ROBO2: variants seen among roughly 807,000 people sequenced by gnomAD.
The protein encoded by ROBO2 is roundabout homolog 2.
In ROBO2, 53 loss-of-function variants were observed where a neutral mutation model predicts 160.8. That is an observed-to-expected ratio of 0.33 (90% confidence interval 0.26 to 0.41). ROBO2 has a LOEUF of 0.41. ROBO2 is among the 10% of genes least tolerant of loss of function. The pLI is 1.00. For synonymous variants in ROBO2, 664 were observed against 611.7 expected (o/e 1.09, Z -1.26); for missense variants, 1,577 against 1,722.4 (o/e 0.92, Z 1.49).
In ROBO2 at chr3:76,247,118, A is replaced by G. The variant is rs866466107; in HGVS notation, c.109+309516A>G. ...AGAGAAACATCGTTTCCATACATCC[A>G]TCTACACAGTTGTTCTTCAAGACAT... On this transcript the variant is annotated intron_variant, in intron 2 of 26. Coordinates refer to the ROBO2 transcript ENST00000487694. Among the ~76,000 whole-genome samples, 42 of 152,216 alleles carry G rather than the reference A, an allele frequency of 2.8e-4. No homozygotes were observed. The Middle Eastern group carries it at 0.01, about 37-fold the overall frequency.
intron 2 of ROBO2, among the ~76,000 whole-genome samples, chr3:76,343,029 C>A (rs1308992874): frequency 1.3e-5 from 2 of 151,770 alleles, no homozygotes; most frequent in Non-Finnish European, 2.9e-5. Context: ...GAATGGTAAT[C>A]AAATGTTCCA....
chr3:77,130,019 T>C (rs1220324352), intron 2 of ROBO2, among the ~76,000 whole-genome samples: 1 of 152,146 alleles, frequency 6.6e-6, no homozygotes, highest in African/African-American at 2.4e-5. Flanking sequence ...ACAATTTTTT[T>C]TTATTATTGC....
Position 75,936,417 on chromosome 3 carries a change from G to A in ROBO2, c.-13-1064G>A, listed in dbSNP as rs570661584. 4.6e-3 allele frequency among the ~76,000 whole-genome samples: 706 copies of A among 152,146 alleles called. 1 individual carries two copies. Among genetic ancestry groups the A allele is most frequent in the Non-Finnish European group, 6.9e-3 (466 of 67,970 alleles). ...CTTAACTCCGTATTTTGTCAACTGT[G>A]GAAAAATTGGGATTTAGGAGTAACC... On this transcript the variant is annotated intron_variant, in intron 1 of 26. Transcript: ENST00000487694.
rs567776717 is a variant in ROBO2, at chr3:76,930,226, C to T, written c.110-167788C>T. ...TTTAGTATAAATGCCAGGCTGGTCTCGAACTCCTGGCCTCAAGTGATCTGC... is the reference window on the plus strand; with the variant it reads ...TTTAGTATAAATGCCAGGCTGGTCTTGAACTCCTGGCCTCAAGTGATCTGC... On this transcript the variant is annotated intron_variant, in intron 2 of 26. Coordinates refer to the ROBO2 transcript ENST00000487694. Among the ~76,000 whole-genome samples, 17 of 152,052 alleles carry T rather than the reference C, an allele frequency of 1.1e-4. No individual in the cohort carries two copies. In the South Asian group the frequency reaches 3.5e-3, roughly 32 times the overall value.
At chr3:75,942,126 T>G (rs1948085919) in intron 2 of ROBO2, among the ~76,000 whole-genome samples, 1 of 152,168 alleles carries the variant, frequency 6.6e-6, no homozygotes, top group Non-Finnish European at 1.5e-5. Flanking sequence ...GACTTTGAAT[T>G]AAAGGTTTAC....
At chr3:76,574,643 A>G (rs1160648092) in intron 2 of ROBO2, among the ~76,000 whole-genome samples, 2 of 152,160 alleles carry the variant, frequency 1.3e-5, no homozygotes, top group Admixed American at 1.3e-4. Flanking sequence ...CCTATCATAG[A>G]GAAACATTAT....
chr3:76,876,315 A>G (rs774579367), intron 2 of ROBO2, among the ~76,000 whole-genome samples: 6 of 152,212 alleles, frequency 3.9e-5, no homozygotes, highest in Non-Finnish European at 8.8e-5. Flanking sequence ...GTCAGTTACC[A>G]AGTGAATCTG....
intron 2 of ROBO2, among the ~76,000 whole-genome samples, chr3:76,565,671 T>G (rs182865374): frequency 1.2e-3 from 182 of 152,300 alleles, no homozygotes; most frequent in African/African-American, 4.2e-3. Flanking sequence ...GAAGTAAGAT[T>G]TATTTTCTGA....
chr3:76,038,056 A>G (rs1391545379), intron 2 of ROBO2, among the ~76,000 whole-genome samples: 1 of 152,050 alleles, frequency 6.6e-6, no homozygotes, highest in Admixed American at 6.5e-5. Flanking sequence ...CAGAAGGGTA[A>G]CTTGACCTCA....
At chr3:77,558,691 C>T (rs988374469) in intron 9 of ROBO2, among the ~76,000 whole-genome samples, 2 of 152,006 alleles carry the variant, frequency 1.3e-5, no homozygotes, top group East Asian at 1.9e-4. Context: ...TGGTTTTTTA[C>T]TGACGTTTAC....
rs369583300 is a variant in ROBO2, at chr3:76,755,886, C to A, written c.110-342128C>A. Among the ~76,000 whole-genome samples the A allele has an allele frequency of 7.2e-5, 11 of 151,896 alleles. No homozygotes were observed. The East Asian group carries it at 1.4e-3, about 19-fold the overall frequency. On this transcript the variant is annotated intron_variant, in intron 2 of 26. Coordinates refer to the ROBO2 transcript ENST00000487694. ...TAATAGAAAAACTCCCTAATCCAAC[C>A]ATTGTATCCCTTCCTTTAGACACAT...
At chr3:76,879,500 G>T (rs1232698483) in intron 2 of ROBO2, among the ~76,000 whole-genome samples, 1 of 151,950 alleles carries the variant, frequency 6.6e-6, no homozygotes, top group Non-Finnish European at 1.5e-5. Flanking sequence ...ATATGAAGAA[G>T]AAAATTCAAA....
chr3:76,195,070 G>A (rs1227105782), intron 2 of ROBO2, among the ~76,000 whole-genome samples: 1 of 152,070 alleles, frequency 6.6e-6, no homozygotes, highest in Admixed American at 6.6e-5. Context: ...GAATAGTCAG[G>A]CAACTTGTCT....
At chr3:76,625,903 G>T (rs1048246839) in intron 2 of ROBO2, among the ~76,000 whole-genome samples, 3 of 152,106 alleles carry the variant, frequency 2.0e-5, no homozygotes, top group Non-Finnish European at 4.4e-5. Context: ...TGCCTTTGGT[G>T]TGTTAAAAAG....
chr3:76,894,074 C>T (rs1334939623), intron 2 of ROBO2, among the ~76,000 whole-genome samples: 1 of 152,088 alleles, frequency 6.6e-6, no homozygotes, highest in African/African-American at 2.4e-5. Flanking sequence ...TGGCGATACA[C>T]CCTTTTGAAG....
At chr3:77,404,671 GA>G (rs1298194110) in intron 2 of ROBO2, among the ~76,000 whole-genome samples, 3 of 152,142 alleles carry the variant, frequency 2.0e-5, no homozygotes, top group South Asian at 2.1e-4. Flanking sequence ...TTTAATGGGG[GA>G]TAGGGGAACT....
intron 2 of ROBO2, among the ~76,000 whole-genome samples, chr3:75,997,496 A>ATTTTTTTT (rs1414362363): frequency 6.4e-5 from 3 of 46,572 alleles, no homozygotes; most frequent in Non-Finnish European, 1.1e-4. Context: ...TTGTTCATCC[A>ATTTTTTTT]TTCTTTTTTT....
At chr3:76,443,485 T>G (rs1169090349) in intron 2 of ROBO2, among the ~76,000 whole-genome samples, 5 of 152,122 alleles carry the variant, frequency 3.3e-5, no homozygotes, top group South Asian at 4.1e-4. Context: ...CCATGATGGC[T>G]ACTACCACGA....
intron 2 of ROBO2, among the ~76,000 whole-genome samples, chr3:77,411,065 C>T (rs971631325): frequency 8.5e-5 from 13 of 152,054 alleles, no homozygotes; most frequent in Non-Finnish European, 1.8e-4. Context: ...CCTCAGCTTC[C>T]CCAAAATGCT....
Sources: allele counts gnomAD v4.1 joint callset (sites outside exome capture counted in the v4.1 genomes callset), GRCh38; gene constraint gnomAD v4.1.1; transcripts MANE v1.5; gene names NCBI Gene and HGNC (gene_info 2026-07-23, HGNC 2026-07-21).